Variants in TENM3 observed in about 807,000 individuals in gnomAD.
TENM3 encodes teneurin transmembrane protein 3.
Under a neutral mutation model 255.1 loss-of-function variants are expected in TENM3, and 63 were observed. That is an observed-to-expected ratio of 0.25 (90% CI 0.20 to 0.30). The LOEUF (loss-of-function observed/expected upper bound fraction) is 0.30. Among genes scored for constraint, TENM3 ranks in the 10% least tolerant of loss-of-function variants. TENM3 has a pLI of 1.00. For missense variants in TENM3, 2,929 were observed against 3,461.1 expected (o/e 0.85, Z 3.86); for synonymous variants, 1,306 against 1,322.3 (o/e 0.99, Z 0.27).
chr4:182,276,578 G>T (rs530136062), intron 1 of TENM3, among the ~76,000 whole-genome samples: 1 of 152,264 alleles, frequency 6.6e-6, no homozygotes, highest in Non-Finnish European at 1.5e-5. Context: ...ATCATCAAAG[G>T]TCTTTTCCCA....
the TENM3 span, among the ~76,000 whole-genome samples, chr4:181,642,645 G>C: frequency 6.6e-6 from 1 of 151,978 alleles, no homozygotes; most frequent in Non-Finnish European, 1.5e-5. Flanking sequence ...GTTAATTTTT[G>C]AGTTAATCCA....
chr4:182,406,310 A>G (rs1233305885), intron 3 of TENM3, among the ~76,000 whole-genome samples: 2 of 150,854 alleles, frequency 1.3e-5, no homozygotes, highest in Admixed American at 6.6e-5. Context: ...ATCAAAAAAA[A>G]TAAAAATAAA....
At chr4:181,461,920 TTTGAA>T in the TENM3 span, among the ~76,000 whole-genome samples, 17,784 of 152,116 alleles carry the variant, frequency 0.12, 1,158 homozygotes, top group East Asian at 0.16. Context: ...GCCTAGTAAT[TTTGAA>T]TTGAATGCCA....
rs535117389 is a variant in TENM3, at chr4:182,384,001, G to A, written c.511+37072G>A. On this transcript the variant is annotated intron_variant, in intron 3 of 27. Transcript: ENST00000511685. Reference sequence around the variant, plus strand: ...CTTGAGCTCATGCCAGGCTCTCCCCGCTTCGGTCAGTTTTGTTTTGGGCAC... The same window carrying A: ...CTTGAGCTCATGCCAGGCTCTCCCCACTTCGGTCAGTTTTGTTTTGGGCAC... Among the ~76,000 whole-genome samples, 32 of 152,248 alleles carry A rather than the reference G, an allele frequency of 2.1e-4. 1 individual carries two copies. The highest frequency in any genetic ancestry group is 6.3e-4 in the African/African-American group (26 of 41,548).
At chr4:182,547,091 T>C (rs1299673934) in intron 3 of TENM3, among the ~76,000 whole-genome samples, 1 of 152,180 alleles carries the variant, frequency 6.6e-6, no homozygotes, top group Non-Finnish European at 1.5e-5. Context: ...GCAGAGATCT[T>C]GACCTGTAGC....
intron 22 of TENM3, among the ~76,000 whole-genome samples, chr4:182,765,687 C>T (rs1416588737): frequency 1.3e-5 from 2 of 152,112 alleles, no homozygotes; most frequent in Non-Finnish European, 2.9e-5. Flanking sequence ...ACCTGGGTTC[C>T]GGTCGCGATT....
chr4:182,158,784 A>C (rs998187711), intron 1 of TENM3, among the ~76,000 whole-genome samples: 2 of 152,208 alleles, frequency 1.3e-5, no homozygotes, highest in African/African-American at 4.8e-5. Context: ...TGCAGTGGCC[A>C]GCTATAACTA....
chr4:182,741,866 T>G (rs946996272), intron 18 of TENM3, among the ~76,000 whole-genome samples: 1 of 152,230 alleles, frequency 6.6e-6, no homozygotes, highest in Admixed American at 6.5e-5. Context: ...TGCTGAGTTA[T>G]AAGGAGAACA....
At chr4:181,769,570 A>G in the TENM3 span, among the ~76,000 whole-genome samples, 1 of 152,222 alleles carries the variant, frequency 6.6e-6, no homozygotes, top group African/African-American at 2.4e-5. Flanking sequence ...TGATTTTAAA[A>G]TCCGATCATT....
chr4:182,530,676 GA>G (rs1739689751), intron 3 of TENM3, among the ~76,000 whole-genome samples: 1 of 152,130 alleles, frequency 6.6e-6, no homozygotes, highest in South Asian at 2.1e-4. Context: ...GTCCCCGGGG[GA>G]AAAATTGCTC....
the TENM3 span, among the ~76,000 whole-genome samples, chr4:181,769,110 G>A: frequency 6.6e-6 from 1 of 152,118 alleles, no homozygotes; most frequent in Non-Finnish European, 1.5e-5. Context: ...TTATAGGGTA[G>A]CCACGATTTT....
the TENM3 span, among the ~76,000 whole-genome samples, chr4:181,619,949 G>A: frequency 6.6e-6 from 1 of 152,128 alleles, no homozygotes; most frequent in Non-Finnish European, 1.5e-5. Context: ...GCAATTGATT[G>A]GAGGTTTTTA....
the TENM3 span, among the ~76,000 whole-genome samples, chr4:182,120,498 G>T: frequency 5.3e-5 from 8 of 152,038 alleles, no homozygotes; most frequent in African/African-American, 1.9e-4. Context: ...ACATGTATTT[G>T]CTTGTATGTA....
intron 1 of TENM3, among the ~76,000 whole-genome samples, chr4:182,163,209 A>T (rs1161502077): frequency 6.6e-6 from 1 of 152,104 alleles, no homozygotes; most frequent in African/African-American, 2.4e-5. Context: ...ATTGCACAGA[A>T]TGTCTTCTAA....
chr4:182,588,707 T>A (rs1440226921), intron 3 of TENM3, among the ~76,000 whole-genome samples: 1 of 152,218 alleles, frequency 6.6e-6, no homozygotes, highest in African/African-American at 2.4e-5. Context: ...TCCAGTTTTT[T>A]ATGCATGTAT....
intron 2 of TENM3, among the ~76,000 whole-genome samples, chr4:182,345,690 C>G (rs1431124265): frequency 1.3e-5 from 2 of 152,120 alleles, no homozygotes; most frequent in African/African-American, 2.4e-5. Context: ...AGAATAAATA[C>G]AGGATTGGAA....
the TENM3 span, among the ~76,000 whole-genome samples, chr4:181,979,468 T>C: frequency 6.6e-6 from 1 of 152,040 alleles, no homozygotes; most frequent in African/African-American, 2.4e-5. Flanking sequence ...TGAAATAAAA[T>C]ACTTCATACA....
chr4:181,787,056 C>G, the TENM3 span, among the ~76,000 whole-genome samples: 1 of 152,228 alleles, frequency 6.6e-6, no homozygotes, highest in Non-Finnish European at 1.5e-5. Context: ...CCCTAAGCAC[C>G]TCACTGCCTG....
chr4:181,549,039 C>G, the TENM3 span, among the ~76,000 whole-genome samples: 1 of 152,168 alleles, frequency 6.6e-6, no homozygotes, highest in African/African-American at 2.4e-5. Flanking sequence ...GTAACACATT[C>G]TTCACAAACA....
Sources: allele counts gnomAD v4.1 joint callset (sites outside exome capture counted in the v4.1 genomes callset), GRCh38; gene constraint gnomAD v4.1.1; transcripts MANE v1.5; gene names NCBI Gene and HGNC (gene_info 2026-07-23, HGNC 2026-07-21).